The following ZNF532 variants were observed in gnomAD, a reference collection of about 807,000 sequenced individuals.
ZNF532 encodes zinc finger protein 532.
Under a neutral mutation model 89.3 loss-of-function variants are expected in ZNF532, and 22 were observed. The observed-to-expected ratio is 0.25, with a 90% CI of 0.18 to 0.35. The LOEUF is 0.35. Ranked by LOEUF, ZNF532 falls within the 10% of genes least tolerant of loss-of-function variation. The probability of loss-of-function intolerance (pLI) is 1.00; values close to 1 mark genes in which losing one functional copy is unlikely to be tolerated. For synonymous variants in ZNF532, 606 were observed against 649.6 expected (o/e 0.93, Z 1.02); for missense variants, 1,132 against 1,643.4 (o/e 0.69, Z 5.38).
chr18:58,965,012 AT>A (rs2065780765), intron 7 of ZNF532, among the ~76,000 whole-genome samples: 2 of 149,212 alleles, frequency 1.3e-5, no homozygotes, highest in South Asian at 2.1e-4. Flanking sequence ...TAAATCTATA[AT>A]TTTTAATACT....
At chr18:58,889,719 G>A (rs942395354) in intron 2 of ZNF532, among the ~76,000 whole-genome samples, 2 of 152,048 alleles carry the variant, frequency 1.3e-5, no homozygotes, top group African/African-American at 4.8e-5. Context: ...GTTGCGGTGA[G>A]CCGAGGTCAC....
chr18:58,899,072 A>T (rs2059430670), intron 2 of ZNF532, among the ~76,000 whole-genome samples: 1 of 152,206 alleles, frequency 6.6e-6, no homozygotes, highest in Non-Finnish European at 1.5e-5. Flanking sequence ...TGCTGTGGGG[A>T]TCCATGCGTT....
intron 2 of ZNF532, among the ~76,000 whole-genome samples, chr18:58,874,709 C>T (rs944723290): frequency 5.3e-5 from 8 of 152,160 alleles, no homozygotes; most frequent in African/African-American, 1.9e-4. Context: ...CACTGAGTGG[C>T]TGTACTTTAG....
At chr18:58,876,611 C>G (rs1394509381) in intron 2 of ZNF532, among the ~76,000 whole-genome samples, 1 of 152,184 alleles carries the variant, frequency 6.6e-6, no homozygotes, top group Non-Finnish European at 1.5e-5. Flanking sequence ...CCCTACATTT[C>G]TGCATTACTC....
chr18:58,889,521 C>T (rs1489347826), intron 2 of ZNF532, among the ~76,000 whole-genome samples: 1 of 152,086 alleles, frequency 6.6e-6, no homozygotes, highest in South Asian at 2.1e-4. Flanking sequence ...AACTCTTGGC[C>T]GGGTGTGGTG....
Position 58,984,240 on chromosome 18 carries a change from A to G in ZNF532, c.3680A>G (p.Lys1227Arg), listed in dbSNP as rs765608065. 2.0e-5 allele frequency: 32 copies of G among 1,611,844 alleles called. No individual in the cohort carries two copies. The highest frequency in any genetic ancestry group is 1.7e-6 in the Non-Finnish European group (2 of 1,179,856). ...TCCAGGCACCTCTTCATCGTACACA[A>G]GTTAAAGGAACCTCAGCCAGTGTCC... ...SLSRHLFIVH[K>R]LKEPQPVSKQ... Residue 1227 changes from lysine to arginine, a missense_variant, in exon 10 of 10, where the codon AAG becomes AGG. Physicochemically the swap from Lys to Arg is conservative, Grantham distance 26. This residue lies in a region of ZNF532 where 415 missense variants were observed against 604.8 expected (regional missense o/e 0.69). Transcript: ENST00000591808.
intron 2 of ZNF532, among the ~76,000 whole-genome samples, chr18:58,915,374 C>G (rs539732532): frequency 6.6e-6 from 1 of 152,340 alleles, no homozygotes; most frequent in African/African-American, 2.4e-5. Context: ...CGTCCCACTG[C>G]TTCACGCTGG....
chr18:58,896,205 TTTG>T lies in ZNF532; in HGVS notation c.-17-22054_-17-22052del, dbSNP rs948057599. Among the ~76,000 whole-genome samples, 5 of 152,274 alleles carry T rather than the reference TTTG, an allele frequency of 3.3e-5. No individual in the cohort carries two copies. In the East Asian group the frequency reaches 7.7e-4, roughly 23 times the overall value. Reference sequence around the variant, plus strand: ...CTGTTAAATCTAGCAGTGTTTGTTTTTTGTTGTTGTTGTTTGTTTTTTAAGTAA... The same window carrying T: ...CTGTTAAATCTAGCAGTGTTTGTTTTTTGTTGTTGTTTGTTTTTTAAGTAA... On this transcript the variant is annotated intron_variant, in intron 2 of 9. Transcript: ENST00000591808.
At position 58,984,017 on chromosome 18, in the gene ZNF532, A is replaced by G. The variant is rs2068157484; in HGVS notation, c.3457A>G (p.Arg1153Gly). The stretch of plus-strand genomic sequence containing the variant: ...GTTGGAAGAACCAGTTCTGGAGTTC[A>G]GGCCTCCCCGAGGAGCAATCACTCA... ...RKLEEPVLEF[R>G]PPRGAITQPL... The change falls in exon 10 of 10, where the codon AGG (arginine) becomes GGG (glycine). Residue 1153 changes from arginine (R) to glycine (G), a missense_variant. By Grantham distance (125) the Arg-to-Gly change is moderately radical. This residue lies in a region of ZNF532 where 415 missense variants were observed against 604.8 expected (regional missense o/e 0.69). Transcript: ENST00000591808. 6.2e-7 allele frequency: 1 copy of G among 1,611,846 alleles called. No individual in the cohort carries two copies. Among genetic ancestry groups the G allele is most frequent in the Non-Finnish European group, 8.5e-7 (1 of 1,179,810 alleles).
At chr18:58,959,949 A>T (rs1047957893) in intron 7 of ZNF532, among the ~76,000 whole-genome samples, 4 of 151,832 alleles carry the variant, frequency 2.6e-5, no homozygotes, top group Non-Finnish European at 5.9e-5. Flanking sequence ...TTCTTTTTTT[A>T]TTTTTTTGAG....
intron 8 of ZNF532, chr18:58,980,400 T>TA (rs1430703800): frequency 6.6e-6 from 1 of 152,206 alleles, no homozygotes; most frequent in Non-Finnish European, 1.5e-5. Context: ...TCTGCTAACT[T>TA]ACGGCCAACA....
intron 3 of ZNF532, chr18:58,926,116 A>C (rs888721728): frequency 1.3e-5 from 2 of 152,118 alleles, no homozygotes; most frequent in Non-Finnish European, 2.9e-5. Flanking sequence ...TGTTTCTGTA[A>C]AACAACTTGC....
At position 58,981,572 on chromosome 18, in the gene ZNF532, A is replaced by G; in HGVS notation, c.3366A>G (p.Thr1122=). The G allele has an allele frequency of 6.2e-7, 1 of 1,614,230 alleles. No individual in the cohort carries two copies. The highest frequency in any genetic ancestry group is 8.5e-7 in the Non-Finnish European group (1 of 1,180,020). Reference sequence around the variant, plus strand: ...AGGACCCTGACCTGAAAGAAATGACAGATGCCACCAATGAGGAGGAAACAG... The same window carrying G: ...AGGACCCTGACCTGAAAGAAATGACGGATGCCACCAATGAGGAGGAAACAG... ...GIKDPDLKEM[T]DATNEEETEI... Residue 1122 remains threonine (T), a synonymous_variant, in exon 9 of 10, where the codon ACA becomes ACG. Transcript: ENST00000591808.
Position 58,920,008 on chromosome 18 carries a change from C to T in ZNF532, c.1721C>T (p.Ser574Leu), listed in dbSNP as rs1182792459. Residue 574 changes from serine to leucine, a missense_variant, in exon 3 of 10, where the codon TCG becomes TTG. Ser to Leu is a moderately radical substitution (Grantham distance 145). Around this residue, in one of 9 missense-constraint regions of ZNF532, gnomAD observed 97 missense variants for 143.7 expected, o/e 0.68. Transcript: ENST00000591808. ...PKKVSRVQVV[S>L]SLQSSVVEAF... ...AAGGTGTCTCGAGTCCAGGTGGTGT[C>T]GTCCTTGCAGAGTTCTGTGGTGGAA... 6 of 1,613,684 alleles carry T rather than the reference C, an allele frequency of 3.7e-6. No homozygotes were observed. Among genetic ancestry groups the T allele is most frequent in the East Asian group, 2.2e-5 (1 of 44,868 alleles).
chr18:58,948,575 T>C (rs1349271806), intron 6 of ZNF532, among the ~76,000 whole-genome samples: 2 of 150,364 alleles, frequency 1.3e-5, no homozygotes, highest in East Asian at 1.9e-4. Context: ...TTTTTTTTTT[T>C]TTTTCTTTTT....
intron 4 of ZNF532, among the ~76,000 whole-genome samples, chr18:58,938,657 A>C (rs1568370099): frequency 6.6e-6 from 1 of 152,192 alleles, no homozygotes; most frequent in Non-Finnish European, 1.5e-5. Flanking sequence ...TGACCACATC[A>C]GTGTGTACCA....
In ZNF532 at chr18:58,984,862, T is replaced by C. The variant is rs2068243383; in HGVS notation, c.*396T>C. ...TTTGGATTTTGAATGGGTTAACTAA[T>C]TACAGGCTAAAATAATGCCTTTTTT... On this transcript the variant is annotated 3_prime_UTR_variant, in exon 10 of 10. Transcript: ENST00000591808. 6.1e-6 allele frequency: 1 copy of C among 163,966 alleles called. No individual in the cohort carries two copies. Among genetic ancestry groups the C allele is most frequent in the Non-Finnish European group, 1.3e-5 (1 of 74,248 alleles). The allele number at this position is 163,966 out of a possible 1,614,324, so 10.2% of individuals were successfully genotyped here.
At chr18:58,982,651 T>TA (rs907793399) in intron 9 of ZNF532, among the ~76,000 whole-genome samples, 1 of 152,018 alleles carries the variant, frequency 6.6e-6, no homozygotes, top group Non-Finnish European at 1.5e-5. Flanking sequence ...AGCAGATACT[T>TA]AAAAAGCCCT....
At chr18:58,898,211 G>A (rs1437711844) in intron 2 of ZNF532, among the ~76,000 whole-genome samples, 1 of 152,172 alleles carries the variant, frequency 6.6e-6, no homozygotes, top group Non-Finnish European at 1.5e-5. Flanking sequence ...GAGAGAAGGT[G>A]ACAGACCTGG....
Sources: gnomAD v4.1 joint callset for allele counts (sites outside exome capture counted in the v4.1 genomes callset) on GRCh38, gnomAD v4.1.1 for gene constraint, gnomAD v4.1.1 regional missense constraint, MANE v1.5 for transcripts, NCBI Gene and HGNC (gene_info 2026-07-23, HGNC 2026-07-21) for gene names.